The following ZC3H14 variants were observed in gnomAD, a reference collection of about 807,000 sequenced individuals.
ZC3H14 encodes zinc finger CCCH-type containing 14, also known as zinc finger CCCH domain-containing protein 14.
In ZC3H14, 31 loss-of-function variants were observed where a neutral mutation model predicts 92.4. That is an observed-to-expected ratio of 0.34 (90% CI 0.25 to 0.45). The LOEUF (loss-of-function observed/expected upper bound fraction) is 0.45. ZC3H14 is among the 20% of genes least tolerant of loss of function. The pLI is 1.00. For synonymous variants in ZC3H14, 321 were observed against 300.9 expected, an observed-to-expected ratio of 1.07 and a Z score of -0.69; for missense variants, 781 against 897.3, an observed-to-expected ratio of 0.87 and a Z score of 1.66.
intron 2 of ZC3H14, among the ~76,000 whole-genome samples, chr14:88,563,941 T>A (rs1355501328): frequency 6.6e-6 from 1 of 152,154 alleles, no homozygotes. Context: ...TTGACCGAAT[T>A]TTATTTTATG....
chr14:88,572,028 A>G lies in ZC3H14; in HGVS notation c.236-2A>G. 6.2e-7 allele frequency: 1 copy of G among 1,611,758 alleles called. No homozygotes were observed. The highest frequency in any genetic ancestry group is 8.5e-7 in the Non-Finnish European group (1 of 1,179,090). ...TTAAAAGGACTGTATTTTTCTTTTC[A>G]GAACCCTCTAGTCTGAAGTCTTCTG... On this transcript the variant is annotated splice_acceptor_variant, in intron 4 of 16. Transcript: ENST00000251038. LOFTEE classifies it high-confidence loss of function.
chr14:88,611,508 G>GAAAT (rs1185848086), intron 16 of ZC3H14, among the ~76,000 whole-genome samples: 49 of 152,218 alleles, frequency 3.2e-4, no homozygotes, highest in African/African-American at 1.1e-3. Context: ...TAGCAACTGG[G>GAAAT]AGATACTGAA....
chr14:88,622,607 G>C lies in ZC3H14; in HGVS notation c.*10856G>C. The C allele has an allele frequency of 6.3e-7, 1 of 1,597,056 alleles. No individual in the cohort carries two copies. Among genetic ancestry groups the C allele is most frequent in the East Asian group, 2.3e-5 (1 of 44,146 alleles). ...ATCAGCTCATGGAACATCTTACTTT[G>C]CCTCTGCACACAGAACGAACACAAT... On this transcript the variant is annotated 3_prime_UTR_variant, in exon 17 of 17. Coordinates refer to ENST00000251038, the MANE Select transcript of ZC3H14 (RefSeq NM_024824.5).
Position 88,622,784 on chromosome 14 carries a change from A to C in ZC3H14, c.*11033A>C, listed in dbSNP as rs574411021. ...CTACTATAATTTTTATTATAAACAA[A>C]TACCAAGTTATAAGCAGAATCTTTT... On this transcript the variant is annotated 3_prime_UTR_variant, in exon 17 of 17. Coordinates refer to ENST00000251038, the MANE Select transcript of ZC3H14 (RefSeq NM_024824.5). 117 of 1,108,572 alleles carry C rather than the reference A, an allele frequency of 1.1e-4. No homozygotes were observed. Among genetic ancestry groups the C allele is most frequent in the Non-Finnish European group, 1.4e-4 (109 of 801,250 alleles). 68.7% of individuals were successfully genotyped at this position (1,108,572 alleles called of 1,614,324 possible).
Position 88,619,083 on chromosome 14 carries a change from A to G in ZC3H14, c.*7332A>G, listed in dbSNP as rs2088328576. 4.2e-6 allele frequency: 1 copy of G among 240,270 alleles called. No individual in the cohort carries two copies. The allele number at this position is 240,270 out of a possible 1,614,324, so 14.9% of individuals were successfully genotyped here. Reference sequence around the variant, plus strand: ...TCTAATGGCTTAAAAAAACTTTCTTAGGCCAGGCCCAGTGGCTCACACCTA... The same window carrying G: ...TCTAATGGCTTAAAAAAACTTTCTTGGGCCAGGCCCAGTGGCTCACACCTA... On this transcript the variant is annotated 3_prime_UTR_variant, in exon 17 of 17. Coordinates refer to ENST00000251038, the MANE Select transcript of ZC3H14 (RefSeq NM_024824.5).
rs2087497371 is a variant in ZC3H14 at position 88,615,749 on chromosome 14, T to G, written c.*3998T>G. On this transcript the variant is annotated 3_prime_UTR_variant, in exon 17 of 17. Transcript: ENST00000251038. ...GTTAGCACCACTTGACCATGCAGGG[T>G]TGGGTTTTGGTTTTTCTTCTCTGTA... The G allele has an allele frequency of 4.1e-6, 6 of 1,480,638 alleles. No homozygotes were observed. The East Asian group carries it at 1.2e-4, about 29-fold the overall frequency. The allele number at this position is 1,480,638 out of a possible 1,614,324, so 91.7% of individuals were successfully genotyped here. A position where few individuals can be genotyped will look rare whatever the true frequency, so the allele number is the denominator to read the frequency against.
intron 5 of ZC3H14, among the ~76,000 whole-genome samples, 168 bp downstream of exon 5, chr14:88,572,393 CTTTTA>C (rs1246199648): frequency 6.6e-6 from 1 of 152,180 alleles, no homozygotes; most frequent in Non-Finnish European, 1.5e-5. Context: ...GTATGATTAT[CTTTTA>C]TCACAAATTT....
intron 1 of ZC3H14, 145 bp downstream of exon 1, chr14:88,563,314 A>G (rs1416509586): frequency 1.3e-6 from 2 of 1,518,858 alleles, no homozygotes; most frequent in African/African-American, 1.4e-5. Flanking sequence ...CTCCTCGTCC[A>G]GGCCGCCTCG....
intron 6 of ZC3H14, chr14:88,574,464 C>G: frequency 2.1e-6 from 1 of 469,784 alleles, no homozygotes; most frequent in Non-Finnish European, 3.9e-6. Flanking sequence ...AGGCTGGTCT[C>G]GAAATCCTGA....
chr14:88,566,756 C>G (rs926623688), intron 2 of ZC3H14, among the ~76,000 whole-genome samples: 2 of 151,966 alleles, frequency 1.3e-5, no homozygotes, highest in African/African-American at 4.8e-5. Context: ...CTGGTGTCTA[C>G]TAAAAATACA....
chr14:88,621,174 C>T lies in ZC3H14; in HGVS notation c.*9423C>T. The T allele has an allele frequency of 6.2e-7, 1 of 1,613,862 alleles. No individual in the cohort carries two copies. Among genetic ancestry groups the T allele is most frequent in the African/African-American group, 1.3e-5 (1 of 75,020 alleles). On this transcript the variant is annotated 3_prime_UTR_variant, in exon 17 of 17. Coordinates refer to ENST00000251038, the MANE Select transcript of ZC3H14 (RefSeq NM_024824.5). The stretch of plus-strand genomic sequence containing the variant: ...TTCTGCAGCAGAAAGGAAAAAATCC[C>T]TGGAAGGATGTGTTGCTAGTCCCCA...
Position 88,594,814 on chromosome 14 carries a change from T to G in ZC3H14, c.1280-1920T>G, listed in dbSNP as rs547915601. ...GGACTTAGGTTCCATAACAAGCTCC[T>G]CTTGTTCACTGAATGAGCTAGACAA... is the stretch of plus-strand genomic sequence containing the variant. On this transcript the variant is annotated intron_variant, in intron 9 of 16. Coordinates refer to ENST00000251038, the MANE Select transcript of ZC3H14 (RefSeq NM_024824.5). 3.9e-5 allele frequency: 63 copies of G among 1,614,098 alleles called. No homozygotes were observed. In the East Asian group the frequency reaches 1.3e-3, roughly 33 times the overall value.
rs774255963 is a variant in ZC3H14 at position 88,595,041 on chromosome 14, A to G, written c.1280-1693A>G. 6 of 1,613,622 alleles carry G rather than the reference A, an allele frequency of 3.7e-6. 1 individual carries two copies. The South Asian group carries it at 5.5e-5, about 15-fold the overall frequency. ...GCAACAGACAGTTTGAAGATCAAGAAGAAGATACTGAATCACAGTCAAGAA... is the reference window on the plus strand; with the variant it reads ...GCAACAGACAGTTTGAAGATCAAGAGGAAGATACTGAATCACAGTCAAGAA... On this transcript the variant is annotated intron_variant, in intron 9 of 16. Coordinates refer to ENST00000251038, the MANE Select transcript of ZC3H14 (RefSeq NM_024824.5).
chr14:88,571,688 A>T (rs2080412667), intron 4 of ZC3H14, among the ~76,000 whole-genome samples: 1 of 152,210 alleles, frequency 6.6e-6, no homozygotes, highest in Non-Finnish European at 1.5e-5. Context: ...ATGGCCGGGC[A>T]CGGTGGCTCA....
rs992351350 is a variant in ZC3H14, at chr14:88,612,491, A to G, written c.*740A>G. 3 of 152,332 alleles carry G rather than the reference A, an allele frequency of 2.0e-5. No homozygotes were observed. Among genetic ancestry groups the G allele is most frequent in the African/African-American group, 7.2e-5 (3 of 41,454 alleles). 9.4% of individuals were successfully genotyped at this position (152,332 alleles called of 1,614,324 possible). On this transcript the variant is annotated 3_prime_UTR_variant, in exon 17 of 17. Coordinates refer to ENST00000251038, the MANE Select transcript of ZC3H14 (RefSeq NM_024824.5). ...CTAAATAATTTTTTTGGGAAACTAC[A>G]TTATCACAAAATTATACAAATTTTT... is the stretch of plus-strand genomic sequence containing the variant.
chr14:88,571,915 G>A, intron 4 of ZC3H14, 115 bp from the exon 5 acceptor site: 2 of 806,234 alleles, frequency 2.5e-6, no homozygotes, highest in Non-Finnish European at 3.6e-6. Context: ...AGGGAGCCGA[G>A]AACGCGCCAC....
chr14:88,573,979 A>G (rs372915136), intron 6 of ZC3H14, among the ~76,000 whole-genome samples: 18 of 152,132 alleles, frequency 1.2e-4, no homozygotes, highest in African/African-American at 4.1e-4. Flanking sequence ...TTTCTTCCCC[A>G]TGGCTTGCTC....
chr14:88,603,149 G>A, intron 12 of ZC3H14, 89 bp downstream of exon 12: 1 of 1,300,600 alleles, frequency 7.7e-7, no homozygotes, highest in Admixed American at 1.9e-5. Context: ...ATTGGTTAAA[G>A]GCCTTGCTTT....
At position 88,583,501 on chromosome 14, in the gene ZC3H14, A is replaced by G. The variant is rs549675677; in HGVS notation, c.1279+5361A>G. On this transcript the variant is annotated intron_variant, in intron 9 of 16. Coordinates refer to ENST00000251038, the MANE Select transcript of ZC3H14 (RefSeq NM_024824.5). The stretch of plus-strand genomic sequence containing the variant: ...TCTTCTCAAATGTAAGCATTTGAGA[A>G]GAATACATATGACAGGTTTTAATTC... Among the ~76,000 whole-genome samples the G allele has an allele frequency of 2.0e-5, 3 of 152,292 alleles. No homozygotes were observed. In the South Asian group the frequency reaches 6.2e-4, roughly 32 times the overall value.
Sources: gnomAD v4.1 joint callset for allele counts (sites outside exome capture counted in the v4.1 genomes callset) on GRCh38, gnomAD v4.1.1 for gene constraint, MANE v1.5 for transcripts, NCBI Gene and HGNC (gene_info 2026-07-23, HGNC 2026-07-21) for gene names.